The following ELAVL2 variants were observed in gnomAD, a reference collection of about 807,000 sequenced individuals.
ELAVL2 encodes ELAV-like protein 2.
Under a neutral mutation model 34.6 loss-of-function variants are expected in ELAVL2, and 4 were observed. The observed-to-expected ratio is 0.12, with a 90% CI of 0.06 to 0.26. The LOEUF (loss-of-function observed/expected upper bound fraction) is 0.26. Among genes scored for constraint, ELAVL2 ranks in the 10% least tolerant of loss-of-function variants. The pLI is 1.00. For synonymous variants in ELAVL2, 193 were observed against 154.8 expected (o/e 1.25, Z -1.83); for missense variants, 432 against 442.8 (o/e 0.98, Z 0.22).
rs562768924 is a variant in ELAVL2, at chr9:23,691,543, A to C, written c.*1014T>G. 1 of 152,546 alleles carries C rather than the reference A, an allele frequency of 6.6e-6. No individual in the cohort carries two copies. Among genetic ancestry groups the C allele is most frequent in the East Asian group, 1.9e-4 (1 of 5,170 alleles). 9.4% of individuals were successfully genotyped at this position (152,546 alleles called of 1,614,324 possible). On this transcript the variant is annotated 3_prime_UTR_variant, in exon 7 of 7. Transcript: ENST00000397312. ...TTTTCCCCCATCTCTCGGTAATTTAAATTTCTTGCCTGCTCTTATATATTC... is the reference window on the plus strand; with the variant it reads ...TTTTCCCCCATCTCTCGGTAATTTACATTTCTTGCCTGCTCTTATATATTC...
intron 1 of ELAVL2, among the ~76,000 whole-genome samples, chr9:23,776,069 AT>A (rs1416747805): frequency 6.6e-6 from 1 of 152,202 alleles, no homozygotes; most frequent in African/African-American, 2.4e-5. Context: ...ATGTGGTTTT[AT>A]GTTCCCTGCC....
chr9:23,774,140 G>A (rs2136424709), intron 1 of ELAVL2, among the ~76,000 whole-genome samples: 1 of 144,418 alleles, frequency 6.9e-6, no homozygotes, highest in African/African-American at 2.6e-5. Flanking sequence ...GAACCCAGGA[G>A]GCAGAGCTTG....
chr9:23,731,195 G>A (rs1032559836), intron 2 of ELAVL2, 70 bp from the exon 3 acceptor site: 10 of 1,383,732 alleles, frequency 7.2e-6, no homozygotes, highest in South Asian at 1.4e-5. Flanking sequence ...CTTTCATTTT[G>A]GCATATGGTC....
intron 1 of ELAVL2, among the ~76,000 whole-genome samples, chr9:23,779,787 A>G (rs1459126382): frequency 6.6e-6 from 1 of 151,862 alleles, no homozygotes; most frequent in Non-Finnish European, 1.5e-5. Context: ...AGGAGAAACT[A>G]TACTTTTCAC....
At chr9:23,845,081 T>C in the ELAVL2 span, among the ~76,000 whole-genome samples, 2 of 151,912 alleles carry the variant, frequency 1.3e-5, no homozygotes, top group Non-Finnish European at 2.9e-5. Flanking sequence ...CCAGAATTTA[T>C]CCTAAAATAC....
chr9:23,767,489 A>G (rs994566761), intron 1 of ELAVL2, among the ~76,000 whole-genome samples: 3 of 152,164 alleles, frequency 2.0e-5, no homozygotes, highest in African/African-American at 7.2e-5. Flanking sequence ...AATCAAAAGC[A>G]TCTTAAATAG....
At position 23,762,088 on chromosome 9, in the gene ELAVL2, G is replaced by A; in HGVS notation, c.147C>T (p.Asn49=). Residue 49 remains asparagine (N), a synonymous_variant, in exon 2 of 7, where the codon AAC becomes AAT. Transcript: ENST00000397312. The stretch of plus-strand genomic sequence containing the variant: ...GACTCTTTAGTTCCTCCTGTGTCAT[G>A]TTCTGAGGAAGGTAGTTGACTATTA... ...TNLIVNYLPQ[N]MTQEELKSLF... is the part of the protein sequence containing the mutation. 1.9e-6 allele frequency: 3 copies of A among 1,613,458 alleles called. No individual in the cohort carries two copies. The highest frequency in any genetic ancestry group is 2.5e-6 in the Non-Finnish European group (3 of 1,179,600).
chr9:23,800,123 A>G (rs2061407774), intron 1 of ELAVL2, among the ~76,000 whole-genome samples: 1 of 152,166 alleles, frequency 6.6e-6, no homozygotes, highest in Non-Finnish European at 1.5e-5. Context: ...CCAATTCAAA[A>G]ATGAGAAAAG....
At chr9:23,763,684 T>C (rs2055577505) in intron 1 of ELAVL2, among the ~76,000 whole-genome samples, 1 of 152,082 alleles carries the variant, frequency 6.6e-6, no homozygotes, top group Admixed American at 6.6e-5. Context: ...GGAAGAAATC[T>C]CTACTGCCAG....
intron 1 of ELAVL2, among the ~76,000 whole-genome samples, chr9:23,773,281 C>G (rs1298293133): frequency 1.3e-5 from 2 of 152,138 alleles, no homozygotes; most frequent in African/African-American, 4.8e-5. Flanking sequence ...AGCCTCAGAC[C>G]TTATCCACTT....
chr9:23,702,968 A>AAAAAAAACAAAAC (rs2037904136), intron 4 of ELAVL2, among the ~76,000 whole-genome samples: 1 of 146,970 alleles, frequency 6.8e-6, no homozygotes, highest in Non-Finnish European at 1.5e-5. Flanking sequence ...AAAAAAAAAA[A>AAAAAAAACAAAAC]AAAAAAAAAA....
chr9:23,806,515 T>C (rs536679687), intron 1 of ELAVL2, among the ~76,000 whole-genome samples: 3 of 152,076 alleles, frequency 2.0e-5, no homozygotes, highest in South Asian at 4.2e-4. Context: ...AGCATGCCTA[T>C]AGACCCAACT....
intron 2 of ELAVL2, among the ~76,000 whole-genome samples, chr9:23,742,018 C>T (rs942124591): frequency 2.6e-5 from 4 of 152,176 alleles, no homozygotes; most frequent in African/African-American, 4.8e-5. Flanking sequence ...AGGATCCATA[C>T]TTCCTTGGCA....
chr9:23,804,767 G>A (rs113451541), intron 1 of ELAVL2, among the ~76,000 whole-genome samples: 3 of 152,138 alleles, frequency 2.0e-5, no homozygotes, highest in African/African-American at 7.2e-5. Flanking sequence ...AGAGGGCACT[G>A]GGGGAAGTAA....
chr9:23,804,693 T>C (rs1031454755), intron 1 of ELAVL2, among the ~76,000 whole-genome samples: 2 of 152,154 alleles, frequency 1.3e-5, no homozygotes, highest in African/African-American at 2.4e-5. Flanking sequence ...TGAAAACTTA[T>C]CAGTTTGCAG....
At chr9:23,764,886 T>A (rs942803205) in intron 1 of ELAVL2, 1 of 979,778 alleles carries the variant, frequency 1.0e-6, no homozygotes, top group East Asian at 2.6e-5. Context: ...CATACCACAA[T>A]AGGTTAAATG....
the ELAVL2 span, among the ~76,000 whole-genome samples, chr9:23,839,338 C>T: frequency 6.6e-6 from 1 of 152,130 alleles, no homozygotes; most frequent in East Asian, 1.9e-4. Context: ...GCTGCCCTCA[C>T]TCATGCACTC....
intron 3 of ELAVL2, among the ~76,000 whole-genome samples, chr9:23,719,203 T>C (rs1304735796): frequency 1.3e-5 from 2 of 152,210 alleles, no homozygotes; most frequent in Non-Finnish European, 2.9e-5. Context: ...TTAATTACAC[T>C]GAATGATTTG....
At position 23,746,293 on chromosome 9, in the gene ELAVL2, C is replaced by A. The variant is rs555482323; in HGVS notation, c.230-15168G>T. ...CTTATAGGTCAAATTGAGACCAATA[C>A]AAAATTAATAAGCTTACTTTTGAGT... On this transcript the variant is annotated intron_variant, in intron 2 of 6. Transcript: ENST00000397312. Among the ~76,000 whole-genome samples the A allele has an allele frequency of 1.8e-4, 27 of 152,134 alleles. 2 individuals are homozygous for A. In the South Asian group the frequency reaches 5.6e-3, roughly 32 times the overall value.
Sources: gnomAD v4.1 joint callset for allele counts (sites outside exome capture counted in the v4.1 genomes callset) on GRCh38, gnomAD v4.1.1 for gene constraint, MANE v1.5 for transcripts, NCBI Gene and HGNC (gene_info 2026-07-23, HGNC 2026-07-21) for gene names.